The following MGAM2 variants were observed in gnomAD, a reference collection of about 807,000 sequenced individuals.
MGAM2 encodes the protein maltase-glucoamylase 2 (putative), also known as probable maltase-glucoamylase 2.
In MGAM2, 98 loss-of-function variants were observed where a neutral mutation model predicts 96.1. The ratio of observed to expected loss-of-function variants is 1.02; its 90% CI spans 0.87 to 1.21. The LOEUF is 1.21. Among genes scored for constraint, MGAM2 ranks in the 50% most tolerant of loss-of-function variants. MGAM2 has a pLI of 0.00. For missense variants in MGAM2, 2,055 were observed against 1,182.4 expected (o/e 1.74, Z -10.82); for synonymous variants, 749 against 414.8 (o/e 1.81, Z -9.79).
At chr7:142,149,716 A>AT (rs368416606) in intron 15 of MGAM2, among the ~76,000 whole-genome samples, 10 of 149,852 alleles carry the variant, frequency 6.7e-5, no homozygotes, top group African/African-American at 1.7e-4. Flanking sequence ...AATTGTTTGT[A>AT]TTTTTTAGTA....
At chr7:142,123,862 T>C (rs1273150208) in intron 3 of MGAM2, among the ~76,000 whole-genome samples, 1 of 152,124 alleles carries the variant, frequency 6.6e-6, no homozygotes, top group African/African-American at 2.4e-5. Context: ...AATATATTAC[T>C]ATCTTTCCCT....
At chr7:142,131,202 G>A (rs533304729) in intron 4 of MGAM2, 131 bp downstream of exon 4, 6 of 621,968 alleles carry the variant, frequency 9.6e-6, no homozygotes, top group Non-Finnish European at 1.7e-5. Flanking sequence ...CACTTCGAGA[G>A]GCTGACGTGG....
intron 24 of MGAM2, among the ~76,000 whole-genome samples, chr7:142,165,594 A>AG (rs1713469403): frequency 6.6e-6 from 1 of 152,162 alleles, no homozygotes; most frequent in South Asian, 2.1e-4. Flanking sequence ...TGATTTCTAG[A>AG]GTTAGGCAGA....
chr7:142,204,991 TG>T (rs1407631845), intron 45 of MGAM2, among the ~76,000 whole-genome samples: 1 of 152,114 alleles, frequency 6.6e-6, no homozygotes, highest in Non-Finnish European at 1.5e-5. Context: ...TCCTGTCTCT[TG>T]GGAAAGTACA....
At chr7:142,191,437 T>A (rs1453001450) in intron 37 of MGAM2, among the ~76,000 whole-genome samples, 1 of 152,224 alleles carries the variant, frequency 6.6e-6, no homozygotes, top group African/African-American at 2.4e-5. Context: ...TACACCAAGA[T>A]CTGTCATCCA....
chr7:142,165,958 A>C (rs2129088141), intron 24 of MGAM2, 140 bp from the exon 25 acceptor site: 1 of 559,552 alleles, frequency 1.8e-6, no homozygotes, highest in South Asian at 2.5e-5. Flanking sequence ...GAATCAGCCA[A>C]GTTCTGAATA....
In MGAM2 at chr7:142,221,611, C is replaced by T. The variant is rs1563304609; in HGVS notation, c.7100C>T (p.Thr2367Ile). 6.1e-6 allele frequency: 3 copies of T among 489,300 alleles called. No individual in the cohort carries two copies. The highest frequency in any genetic ancestry group is 3.9e-5 in the African/African-American group (2 of 51,474). The allele number at this position is 489,300 out of a possible 1,614,324, so 30.3% of individuals were successfully genotyped here. ...ACTACTACCAGCACCAAAGATAATA[C>T]CATGAGTCCAGATACAACAGTTACT... The part of the protein sequence containing the change: ...TVTTTSTKDN[T>I]MSPDTTVTSI... Residue 2367 changes from threonine to isoleucine, a missense_variant, in exon 48 of 48, where the codon ACC becomes ATC. Transcript: ENST00000477922.
chr7:142,210,153 C>T (rs1003092303), intron 46 of MGAM2, among the ~76,000 whole-genome samples: 8 of 152,192 alleles, frequency 5.3e-5, no homozygotes, highest in African/African-American at 1.9e-4. Context: ...AGGGACAGTG[C>T]TATCTGGCCC....
chr7:142,174,718 T>C (rs1230198741), intron 31 of MGAM2, among the ~76,000 whole-genome samples: 13 of 121,860 alleles, frequency 1.1e-4, no homozygotes, highest in African/African-American at 4.5e-4. Context: ...TCTCTCTCTT[T>C]TTTTTTTTTT....
At chr7:142,181,483 A>G (rs542075724) in intron 32 of MGAM2, among the ~76,000 whole-genome samples, 2 of 152,298 alleles carry the variant, frequency 1.3e-5, no homozygotes, top group South Asian at 4.1e-4. Context: ...GCACAGTTGC[A>G]GTAGTGCTAT....
At chr7:142,122,988 C>A (rs138602755) in intron 3 of MGAM2, among the ~76,000 whole-genome samples, 5,433 of 152,096 alleles carry the variant, frequency 0.036, 116 homozygotes, top group Middle Eastern at 0.099. Context: ...CACCACCATG[C>A]CCAGCTAATT....
chr7:142,116,404 T>C (rs1563243943), intron 1 of MGAM2, among the ~76,000 whole-genome samples: 1 of 152,178 alleles, frequency 6.6e-6, no homozygotes, highest in Non-Finnish European at 1.5e-5. Context: ...GTCTCAACAG[T>C]GACTTCAGCA....
In MGAM2 at chr7:142,148,393, C is replaced by T. The variant is rs1795454095; in HGVS notation, c.1634+820C>T. Among the ~76,000 whole-genome samples the T allele has an allele frequency of 6.6e-6, 1 of 152,082 alleles. No homozygotes were observed. Among genetic ancestry groups the T allele is most frequent in the Admixed American group, 6.6e-5 (1 of 15,260 alleles). Reference sequence around the variant, plus strand: ...TGACCACCACCACCATCCCTACCACCACCATCACCATCATCACTATCCCCA... The same window carrying T: ...TGACCACCACCACCATCCCTACCACTACCATCACCATCATCACTATCCCCA... On this transcript the variant is annotated intron_variant, in intron 15 of 47. Transcript: ENST00000477922. This position sits in a 1 kb window ranked among gnomAD's most constrained non-coding sequence, Gnocchi z 4.2.
At chr7:142,210,878 C>T (rs758744238) in intron 46 of MGAM2, among the ~76,000 whole-genome samples, 1 of 152,318 alleles carries the variant, frequency 6.6e-6, no homozygotes, top group Non-Finnish European at 1.5e-5. Context: ...CCCTGACCCC[C>T]GTGCCTCCTG....
chr7:142,188,108 A>AC (rs1796757263), intron 36 of MGAM2, among the ~76,000 whole-genome samples: 6 of 88,628 alleles, frequency 6.8e-5, no homozygotes, highest in African/African-American at 2.6e-4. Context: ...ATAAACCCTT[A>AC]AACACACACA....
chr7:142,138,671 A>C lies in MGAM2; in HGVS notation c.1086+4A>C, dbSNP rs1325887753. ...TCGTTTAGCTGAGATACCATATGTA[A>C]GTCGAAACTTCTTTTACCATGCAGT... On this transcript the variant is annotated splice_donor_region_variant and intron_variant, in intron 10 of 47. Transcript: ENST00000477922. 1.4e-6 allele frequency: 1 copy of C among 700,318 alleles called. No individual in the cohort carries two copies. The highest frequency in any genetic ancestry group is 2.6e-6 in the Non-Finnish European group (1 of 384,142). 43.4% of individuals were successfully genotyped at this position (700,318 alleles called of 1,614,324 possible). A position where few individuals can be genotyped will look rare whatever the true frequency, so the allele number is the denominator to read the frequency against.
chr7:142,221,627 A>G lies in MGAM2; in HGVS notation c.7116A>G (p.Thr2372=). 1 of 469,258 alleles carries G rather than the reference A, an allele frequency of 2.1e-6. No individual in the cohort carries two copies. Among genetic ancestry groups the G allele is most frequent in the South Asian group, 5.9e-5 (1 of 17,064 alleles). 29.1% of individuals were successfully genotyped at this position (469,258 alleles called of 1,614,324 possible). ...AAGATAATACCATGAGTCCAGATAC[A>G]ACAGTTACTTCCATAGACAAATTCA... ...STKDNTMSPD[T]TVTSIDKFTT... Residue 2372 remains threonine, a synonymous_variant, in exon 48 of 48, where the codon ACA becomes ACG. Transcript: ENST00000477922.
chr7:142,188,942 A>G (rs6464467), intron 36 of MGAM2, among the ~76,000 whole-genome samples: 60,463 of 152,112 alleles, frequency 0.4, 14,008 homozygotes, highest in African/African-American at 0.65. Flanking sequence ...ATTGTAAGTT[A>G]AGGATCATCT....
chr7:142,191,269 A>G (rs1796860006), intron 37 of MGAM2, among the ~76,000 whole-genome samples: 1 of 152,110 alleles, frequency 6.6e-6, no homozygotes, highest in Admixed American at 6.6e-5. Context: ...TTTGGAGCAC[A>G]TTTTTAAAAG....
Sources: gnomAD v4.1 joint callset for allele counts (sites outside exome capture counted in the v4.1 genomes callset) on GRCh38, gnomAD v4.1.1 for gene constraint, Gnocchi (gnomAD v3.1) non-coding constraint, MANE v1.5 for transcripts, NCBI Gene and HGNC (gene_info 2026-07-23, HGNC 2026-07-21) for gene names.